SEZ6L: variants seen among roughly 807,000 people sequenced by gnomAD.
The protein encoded by SEZ6L is seizure related 6 homolog like, also known as seizure 6-like protein.
Under a neutral mutation model 106.2 loss-of-function variants are expected in SEZ6L, and 37 were observed. The ratio of observed to expected loss-of-function variants is 0.35; its 90% CI spans 0.27 to 0.46. The LOEUF (loss-of-function observed/expected upper bound fraction) is 0.46, where lower values mean the gene tolerates loss of function less well. SEZ6L is among the 20% of genes least tolerant of loss of function. SEZ6L has a pLI of 1.00. For missense variants in SEZ6L, 1,172 were observed against 1,332.8 expected (o/e 0.88, Z 1.88); for synonymous variants, 541 against 570.4 (o/e 0.95, Z 0.73).
At chr22:26,220,379 C>T (rs931227220) in intron 1 of SEZ6L, among the ~76,000 whole-genome samples, 7 of 152,074 alleles carry the variant, frequency 4.6e-5, no homozygotes, top group Admixed American at 4.6e-4. Flanking sequence ...TGCCATTGAC[C>T]CTCTCCTCCT....
intron 1 of SEZ6L, among the ~76,000 whole-genome samples, chr22:26,225,358 C>A (rs1198270634): frequency 1.3e-5 from 2 of 152,192 alleles, no homozygotes; most frequent in South Asian, 4.1e-4. Flanking sequence ...GCCAAGCCAG[C>A]TCTTGCTCCT....
chr22:26,369,215 A>C (rs1031953569), intron 13 of SEZ6L, among the ~76,000 whole-genome samples: 5 of 151,868 alleles, frequency 3.3e-5, no homozygotes, highest in African/African-American at 1.2e-4. Context: ...CAGTTTAACT[A>C]ACCACACAGG....
chr22:26,231,935 G>A (rs2078809931), intron 1 of SEZ6L, among the ~76,000 whole-genome samples: 1 of 152,150 alleles, frequency 6.6e-6, no homozygotes, highest in African/African-American at 2.4e-5. Flanking sequence ...TGTGACATGA[G>A]GGACATGCAA....
intron 1 of SEZ6L, among the ~76,000 whole-genome samples, chr22:26,247,294 T>A (rs1301527918): frequency 6.6e-6 from 1 of 152,186 alleles, no homozygotes; most frequent in Non-Finnish European, 1.5e-5. Flanking sequence ...TTCAGGCAAG[T>A]CATTCCTCCT....
intron 13 of SEZ6L, among the ~76,000 whole-genome samples, chr22:26,370,307 C>T (rs1443694400): frequency 1.3e-5 from 2 of 151,910 alleles, no homozygotes; most frequent in African/African-American, 2.4e-5. Context: ...ATGGCGTGAA[C>T]GTGGGAGGCG....
chr22:26,171,769 G>A (rs1468259275), intron 1 of SEZ6L, among the ~76,000 whole-genome samples: 1 of 152,192 alleles, frequency 6.6e-6, no homozygotes, highest in Non-Finnish European at 1.5e-5. Flanking sequence ...TAAGTGTGTG[G>A]TTCTGACTCT....
intron 1 of SEZ6L, among the ~76,000 whole-genome samples, chr22:26,222,760 T>G (rs1190762386): frequency 6.6e-6 from 1 of 152,186 alleles, no homozygotes. Context: ...CAGGATATAT[T>G]ATATGCTAGA....
intron 1 of SEZ6L, among the ~76,000 whole-genome samples, chr22:26,241,912 G>T (rs1284929820): frequency 6.6e-6 from 1 of 152,206 alleles, no homozygotes; most frequent in African/African-American, 2.4e-5. Context: ...TATTTAAAGT[G>T]AGATTCTGTG....
chr22:26,192,999 G>A (rs114278121), intron 1 of SEZ6L, among the ~76,000 whole-genome samples: 1 of 152,328 alleles, frequency 6.6e-6, no homozygotes, highest in African/African-American at 2.4e-5. Context: ...AGGGTTCACT[G>A]TAAATCGTAA....
chr22:26,201,259 G>T (rs576142743), intron 1 of SEZ6L, among the ~76,000 whole-genome samples: 5 of 152,040 alleles, frequency 3.3e-5, no homozygotes, highest in African/African-American at 1.2e-4. Context: ...GGTGGCTTAC[G>T]CCTGTAATCC....
At chr22:26,248,613 G>T (rs2079449791) in intron 1 of SEZ6L, among the ~76,000 whole-genome samples, 1 of 152,220 alleles carries the variant, frequency 6.6e-6, no homozygotes, top group South Asian at 2.1e-4. Context: ...TGAATCACGG[G>T]ATCCAGGATT....
intron 1 of SEZ6L, among the ~76,000 whole-genome samples, chr22:26,213,413 G>C (rs1365837790): frequency 4.6e-5 from 7 of 152,206 alleles, no homozygotes. Context: ...GTTCAGTTTA[G>C]CTTGAATTTT....
intron 1 of SEZ6L, among the ~76,000 whole-genome samples, chr22:26,182,000 C>G (rs1939430838): frequency 6.6e-6 from 1 of 152,128 alleles, no homozygotes; most frequent in South Asian, 2.1e-4. Flanking sequence ...TAATCACTGC[C>G]CCATAGGTGC....
At chr22:26,242,290 T>C (rs992958369) in intron 1 of SEZ6L, among the ~76,000 whole-genome samples, 3 of 152,256 alleles carry the variant, frequency 2.0e-5, no homozygotes, top group African/African-American at 7.2e-5. Context: ...GCTCCTTCAC[T>C]GATATCCTCC....
At chr22:26,341,924 T>A (rs1459076720) in intron 10 of SEZ6L, among the ~76,000 whole-genome samples, 1 of 152,174 alleles carries the variant, frequency 6.6e-6, no homozygotes, top group Non-Finnish European at 1.5e-5. Context: ...GTCCCACTGA[T>A]TCCAGTCCCA....
At chr22:26,294,565 G>T (rs987414748) in intron 3 of SEZ6L, 140 bp downstream of exon 3, 38 of 759,876 alleles carry the variant, frequency 5.0e-5, no homozygotes, top group Non-Finnish European at 7.9e-5. Flanking sequence ...CTGGGTTTTG[G>T]CGAATGAGTA....
intron 10 of SEZ6L, among the ~76,000 whole-genome samples, chr22:26,342,352 C>T (rs2082862659): frequency 6.6e-6 from 1 of 152,126 alleles, no homozygotes; most frequent in South Asian, 2.1e-4. Context: ...GTGGTTGGAG[C>T]AAGATTCCAT....
At chr22:26,223,526 T>C (rs1300502395) in intron 1 of SEZ6L, among the ~76,000 whole-genome samples, 1 of 152,176 alleles carries the variant, frequency 6.6e-6, no homozygotes, top group Non-Finnish European at 1.5e-5. Context: ...GAGGTATTGC[T>C]TGGGAGCTAA....
chr22:26,351,517 G>GTTTA (rs1176903970), intron 12 of SEZ6L: 24 of 299,342 alleles, frequency 8.0e-5, no homozygotes, highest in Non-Finnish European at 1.5e-4. Context: ...TTGTTTTTTT[G>GTTTA]TTTGTTTGTT....
Sources: gnomAD v4.1 joint callset for allele counts (sites outside exome capture counted in the v4.1 genomes callset) on GRCh38, gnomAD v4.1.1 for gene constraint, MANE v1.5 for transcripts, NCBI Gene and HGNC (gene_info 2026-07-23, HGNC 2026-07-21) for gene names.